EDA: variants seen among roughly 807,000 people sequenced by gnomAD.
EDA encodes ectodysplasin-A.
Under a neutral mutation model 23.6 loss-of-function variants are expected in EDA, and 2 were observed. The ratio of observed to expected loss-of-function variants is 0.08; its 90% CI spans 0.03 to 0.27. The LOEUF is 0.27. Among genes scored for constraint, EDA ranks in the 10% least tolerant of loss-of-function variants. The probability of loss-of-function intolerance (pLI) is 1.00; values close to 1 mark genes in which losing one functional copy is unlikely to be tolerated. For missense variants in EDA, 229 were observed against 324.2 expected, an observed-to-expected ratio of 0.71 and a Z score of 2.26; for synonymous variants, 131 against 132.0, an observed-to-expected ratio of 0.99 and a Z score of 0.05.
intron 1 of EDA, among the ~76,000 whole-genome samples, chrX:69,921,469 C>T (rs1196505918): frequency 2.7e-5 from 3 of 110,717 alleles, no homozygotes; most frequent in Non-Finnish European, 5.7e-5. Context: ...AATACAATAC[C>T]ACATGGATCA....
At chrX:70,005,082 C>A (rs1247067231) in intron 2 of EDA, among the ~76,000 whole-genome samples, 1 of 111,434 alleles carries the variant, frequency 9.0e-6, no homozygotes, top group East Asian at 2.8e-4. Flanking sequence ...AGCCACAGAG[C>A]AAGACCATGT....
At chrX:69,750,828 G>T (rs1349460091) in intron 1 of EDA, among the ~76,000 whole-genome samples, 1 of 112,058 alleles carries the variant, frequency 8.9e-6, no homozygotes, top group African/African-American at 3.2e-5. Flanking sequence ...CTTCTTTTGA[G>T]AAGTGTCTGT....
intron 1 of EDA, among the ~76,000 whole-genome samples, chrX:69,631,935 G>A (rs773704277): frequency 9.9e-5 from 11 of 111,477 alleles, no homozygotes; most frequent in Non-Finnish European, 2.1e-4. Flanking sequence ...GGGTGAGTTT[G>A]GATAAAGGCT....
intron 2 of EDA, among the ~76,000 whole-genome samples, chrX:69,992,191 C>T (rs1224334833): frequency 9.0e-6 from 1 of 111,731 alleles, no homozygotes; most frequent in Non-Finnish European, 1.9e-5. Context: ...GAGGGAAAAC[C>T]CAGGGAACTC....
Position 69,655,762 on chromosome X carries a change from CTATATA to C in EDA, c.396+39078_396+39083del, listed in dbSNP as rs3077261. Reference sequence around the variant, plus strand: ...CCACTATTATTTACATCATTAGAATCTATATATATATATATATATATATATTGCACT... The same window carrying C: ...CCACTATTATTTACATCATTAGAATCTATATATATATATATATATTGCACT... On this transcript the variant is annotated intron_variant, in intron 1 of 7. Coordinates refer to ENST00000374552, the MANE Select transcript of EDA (RefSeq NM_001399.5). 3.4e-4 allele frequency among the ~76,000 whole-genome samples: 18 copies of C among 52,478 alleles called. 2 individuals are homozygous for C. Among genetic ancestry groups the C allele is most frequent in the East Asian group, 2.0e-3 (1 of 509 alleles). The allele number at this position is 52,478 out of a possible 115,157, so 45.6% of individuals were successfully genotyped here. A position where few individuals can be genotyped will look rare whatever the true frequency, so the allele number is the denominator to read the frequency against.
intron 1 of EDA, among the ~76,000 whole-genome samples, chrX:69,748,408 C>T (rs1163590534): frequency 9.0e-6 from 1 of 111,297 alleles, no homozygotes; most frequent in Non-Finnish European, 1.9e-5. Context: ...TACTCATGAC[C>T]ACAGGGATAG....
chrX:69,851,154 G>A (rs2017115922), intron 1 of EDA, among the ~76,000 whole-genome samples: 1 of 29,677 alleles, frequency 3.4e-5, no homozygotes, highest in South Asian at 1.9e-3. Flanking sequence ...CTAGATCAAG[G>A]GTTTGTGTGT....
At chrX:69,923,285 C>G (rs1172863975) in intron 1 of EDA, among the ~76,000 whole-genome samples, 1 of 110,206 alleles carries the variant, frequency 9.1e-6, no homozygotes, top group Non-Finnish European at 1.9e-5. Flanking sequence ...AAGTCCCGTC[C>G]CCTTGCCCCC....
intron 1 of EDA, among the ~76,000 whole-genome samples, chrX:69,900,512 A>G (rs1210280450): frequency 2.7e-5 from 3 of 109,484 alleles, no homozygotes; most frequent in Non-Finnish European, 5.7e-5. Context: ...TGTTATGACT[A>G]CCAAATTAGT....
At chrX:69,714,917 A>G (rs781701681) in intron 1 of EDA, among the ~76,000 whole-genome samples, 1 of 110,658 alleles carries the variant, frequency 9.0e-6, no homozygotes, top group Non-Finnish European at 1.9e-5. Context: ...GCCTATGTCT[A>G]CAAAAATCCT....
At chrX:69,856,097 G>C (rs1480665214) in intron 1 of EDA, among the ~76,000 whole-genome samples, 1 of 110,152 alleles carries the variant, frequency 9.1e-6, no homozygotes, top group Non-Finnish European at 1.9e-5. Context: ...TCATGTCTTT[G>C]CATCCTCATA....
chrX:69,710,787 C>G (rs745806207), intron 1 of EDA, among the ~76,000 whole-genome samples: 1 of 110,548 alleles, frequency 9.0e-6, no homozygotes, highest in Non-Finnish European at 1.9e-5. Flanking sequence ...ATTTGGCTCT[C>G]TTGTTTGTCT....
chrX:69,867,605 G>A (rs2017506760), intron 1 of EDA, among the ~76,000 whole-genome samples: 1 of 112,346 alleles, frequency 8.9e-6, no homozygotes, highest in Non-Finnish European at 1.9e-5. Context: ...CTTCACCACT[G>A]TCCTTCAGGG....
chrX:69,890,993 CT>C (rs2017918903), intron 1 of EDA, among the ~76,000 whole-genome samples: 1 of 111,086 alleles, frequency 9.0e-6, no homozygotes, highest in Non-Finnish European at 1.9e-5. Flanking sequence ...ATCTATGCAT[CT>C]GACAAATGCC....
chrX:69,931,546 A>C (rs2018598971), intron 1 of EDA, among the ~76,000 whole-genome samples: 1 of 111,439 alleles, frequency 9.0e-6, no homozygotes, highest in Non-Finnish European at 1.9e-5. Flanking sequence ...TAAATGGGTG[A>C]AGTATTTGAA....
chrX:69,711,669 G>T (rs2012046844), intron 1 of EDA, among the ~76,000 whole-genome samples: 1 of 111,529 alleles, frequency 9.0e-6, no homozygotes, highest in South Asian at 3.7e-4. Flanking sequence ...CTCAATTTCA[G>T]ATCCTGTTAT....
chrX:69,709,678 T>G (rs2011891791), intron 1 of EDA, among the ~76,000 whole-genome samples: 1 of 111,529 alleles, frequency 9.0e-6, no homozygotes, highest in Non-Finnish European at 1.9e-5. Flanking sequence ...CATTATTTTT[T>G]TCTCTTTTTA....
intron 1 of EDA, among the ~76,000 whole-genome samples, chrX:69,858,832 T>C (rs1602489101): frequency 8.9e-6 from 1 of 111,820 alleles, no homozygotes; most frequent in Admixed American, 9.5e-5. Context: ...GTACATCTCG[T>C]AGAAACCAGC....
At chrX:69,855,260 T>C (rs746918733) in intron 1 of EDA, among the ~76,000 whole-genome samples, 4 of 112,307 alleles carry the variant, frequency 3.6e-5, no homozygotes, top group African/African-American at 1.3e-4. Context: ...AGGTTGCCTG[T>C]TCACTCGGTT....
Sources: gnomAD v4.1 joint callset for allele counts (sites outside exome capture counted in the v4.1 genomes callset) on GRCh38, gnomAD v4.1.1 for gene constraint, MANE v1.5 for transcripts, NCBI Gene and HGNC (gene_info 2026-07-23, HGNC 2026-07-21) for gene names.